Variants in AGTRAP observed in about 807,000 individuals in gnomAD.
AGTRAP encodes the protein type-1 angiotensin II receptor-associated protein.
Under a neutral mutation model 15.2 loss-of-function variants are expected in AGTRAP, and 7 were observed. The ratio of observed to expected loss-of-function variants is 0.46; its 90% CI spans 0.26 to 0.87. The LOEUF is 0.87. Ranked by LOEUF, AGTRAP falls within the 40% of genes least tolerant of loss-of-function variation. The probability of loss-of-function intolerance (pLI) is 0.15; values close to 1 mark genes in which losing one functional copy is unlikely to be tolerated. For synonymous variants in AGTRAP, 74 were observed against 89.6 expected (o/e 0.83, Z 0.98); for missense variants, 187 against 213.4 (o/e 0.88, Z 0.77).
At chr1:11,746,021 G>A (rs766544379) in intron 2 of AGTRAP, 184 bp downstream of exon 2, 2 of 1,330,910 alleles carry the variant, frequency 1.5e-6, no homozygotes, top group African/African-American at 1.4e-5. Context: ...GGAGCTGGGA[G>A]GGAGACGTGG....
In AGTRAP at chr1:11,748,450, C is replaced by G; in HGVS notation, c.204C>G (p.Asp68Glu). 6.2e-7 allele frequency: 1 copy of G among 1,613,910 alleles called. No homozygotes were observed. Reference protein sequence around the residue: ...LGGLLATIFLDIVHISIFYPR... With the variant: ...LGGLLATIFLEIVHISIFYPR... The stretch of plus-strand genomic sequence containing the variant: ...GCTTGCTGGCCACCATCTTCCTGGA[C>G]ATCGTGCACATCAGCATCTTCTACC... The change falls in exon 4 of 5, where the codon GAC (aspartate) becomes GAG (glutamate). Residue 68 changes from aspartate to glutamate, a missense_variant. Transcript: ENST00000314340.
intron 1 of AGTRAP, among the ~76,000 whole-genome samples, chr1:11,743,026 C>A (rs1387729364): frequency 1.3e-5 from 2 of 152,212 alleles, no homozygotes. Context: ...CCACCAGGCC[C>A]GTTGAAGCTC....
chr1:11,739,156 C>T lies in AGTRAP; in HGVS notation c.27+2921C>T, dbSNP rs77033734. ...GACCTTGAGTAGGTTTCTGAACTCTCTCAGTATCTATTTCTTCATTGTAAA... is the reference window on the plus strand; with the variant it reads ...GACCTTGAGTAGGTTTCTGAACTCTTTCAGTATCTATTTCTTCATTGTAAA... On this transcript the variant is annotated intron_variant, in intron 1 of 4. Transcript: ENST00000314340. Among the ~76,000 whole-genome samples, 181 of 152,300 alleles carry T rather than the reference C, an allele frequency of 1.2e-3. 6 individuals are homozygous for T. The East Asian group carries it at 0.032, about 27-fold the overall frequency.
intron 1 of AGTRAP, chr1:11,744,384 G>T: frequency 1.8e-6 from 1 of 544,686 alleles, no homozygotes; most frequent in Non-Finnish European, 3.4e-6. Flanking sequence ...TCTCCCTGTA[G>T]AAAAGTCTCA....
chr1:11,745,732 C>T lies in AGTRAP; in HGVS notation c.28-71C>T, dbSNP rs576631793. 2.6e-6 allele frequency: 4 copies of T among 1,554,228 alleles called. No homozygotes were observed. Among genetic ancestry groups the T allele is most frequent in the East Asian group, 2.2e-5 (1 of 44,564 alleles). ...GCGCAGGGGCGTCCTGTGTTTTCTG[C>T]ACCCGACGCTTTCCTGCCCCTGTGG... On this transcript the variant is annotated intron_variant, in intron 1 of 4. Coordinates refer to ENST00000314340, the MANE Select transcript of AGTRAP (RefSeq NM_020350.5). The surrounding 1 kb of genome is among the most constrained non-coding windows in gnomAD (Gnocchi z 4.2).
chr1:11,736,553 C>G (rs1049672767), intron 1 of AGTRAP, among the ~76,000 whole-genome samples: 6 of 152,182 alleles, frequency 3.9e-5, no homozygotes, highest in African/African-American at 1.2e-4. Context: ...GCCCAGAATT[C>G]CCCTGGAGGA....
Position 11,750,475 on chromosome 1 carries a change from G to A in AGTRAP, c.*283G>A, listed in dbSNP as rs1290326204. On this transcript the variant is annotated 3_prime_UTR_variant, in exon 5 of 5. Transcript: ENST00000314340. ...CCTACCCCATGGTGGCACCACAGAGGCCCTCAGCCGAGTCCTGCCTGAGTG... is the reference window on the plus strand; with the variant it reads ...CCTACCCCATGGTGGCACCACAGAGACCCTCAGCCGAGTCCTGCCTGAGTG... The A allele has an allele frequency of 1.7e-6, 1 of 592,384 alleles. No homozygotes were observed. The highest frequency in any genetic ancestry group is 1.9e-5 in the African/African-American group (1 of 53,724). The allele number at this position is 592,384 out of a possible 1,614,324, so 36.7% of individuals were successfully genotyped here. A position where few individuals can be genotyped will look rare whatever the true frequency, so the allele number is the denominator to read the frequency against.
chr1:11,738,150 T>C (rs1000706557), intron 1 of AGTRAP, among the ~76,000 whole-genome samples: 1 of 152,178 alleles, frequency 6.6e-6, no homozygotes, highest in East Asian at 1.9e-4. Context: ...ACTTAGGGGA[T>C]GTTCTGAGTT....
intron 1 of AGTRAP, among the ~76,000 whole-genome samples, chr1:11,743,327 C>G (rs960386831): frequency 6.6e-6 from 1 of 151,910 alleles, no homozygotes; most frequent in African/African-American, 2.4e-5. Context: ...CTCACTGCAA[C>G]CTCTGCCTCC....
chr1:11,748,258 C>T lies in AGTRAP; in HGVS notation c.169-157C>T, dbSNP rs376144748. Among the ~76,000 whole-genome samples, 28 of 152,316 alleles carry T rather than the reference C, an allele frequency of 1.8e-4. 1 individual carries two copies. The South Asian group carries it at 5.2e-3, about 28-fold the overall frequency. On this transcript the variant is annotated intron_variant, in intron 3 of 4. Coordinates refer to ENST00000314340, the MANE Select transcript of AGTRAP (RefSeq NM_020350.5). ...GCCCCCAGACTGCAGTCTCAGCCAG[C>T]GGCTCCCCAGCGGGGCCCTGCCTGC...
chr1:11,740,024 G>A (rs1418963130), intron 1 of AGTRAP, among the ~76,000 whole-genome samples: 1 of 152,216 alleles, frequency 6.6e-6, no homozygotes, highest in African/African-American at 2.4e-5. Context: ...GAGCTGGGCG[G>A]CCTCCCCTGG....
chr1:11,746,095 T>G (rs1220675641), intron 2 of AGTRAP: 1 of 1,604,898 alleles, frequency 6.2e-7, no homozygotes, highest in Admixed American at 1.7e-5. Flanking sequence ...CAGCTTGATT[T>G]TCACCTTTAC....
intron 2 of AGTRAP, chr1:11,746,310 A>G (rs1260789048): frequency 1.7e-6 from 2 of 1,206,940 alleles, no homozygotes; most frequent in Non-Finnish European, 2.3e-6. Context: ...CTTCCCCAAG[A>G]TTCTGAGTTG....
chr1:11,748,367 C>T (rs374869916), intron 3 of AGTRAP, 48 bp from the exon 4 acceptor site: 46 of 1,572,936 alleles, frequency 2.9e-5, no homozygotes, highest in South Asian at 6.8e-5. Flanking sequence ...GGGGGAGCCA[C>T]GGAGCGTGGT....
chr1:11,748,300 C>G (rs976429800), intron 3 of AGTRAP, 115 bp from the exon 4 acceptor site: 1 of 1,187,142 alleles, frequency 8.4e-7, no homozygotes, highest in East Asian at 2.5e-5. Context: ...GATCCATTTT[C>G]CCGCAAGCCC....
At chr1:11,749,362 T>C (rs922548368) in intron 4 of AGTRAP, among the ~76,000 whole-genome samples, 1 of 152,088 alleles carries the variant, frequency 6.6e-6, no homozygotes, top group Non-Finnish European at 1.5e-5. Flanking sequence ...CACCAGCTGG[T>C]TGAGGGTGGG....
intron 1 of AGTRAP, among the ~76,000 whole-genome samples, chr1:11,739,012 C>T (rs1304747289): frequency 1.3e-5 from 2 of 152,170 alleles, no homozygotes; most frequent in Non-Finnish European, 2.9e-5. Context: ...GGTTAGACTT[C>T]CTCATTTCCA....
chr1:11,737,715 G>A (rs1641933613), intron 1 of AGTRAP, among the ~76,000 whole-genome samples: 1 of 152,182 alleles, frequency 6.6e-6, no homozygotes, highest in Non-Finnish European at 1.5e-5. Context: ...TCTGTCCTTT[G>A]GGAGGGCTTA....
intron 4 of AGTRAP, 146 bp downstream of exon 4, chr1:11,748,756 G>T (rs1642239158): frequency 2.1e-6 from 2 of 970,370 alleles, no homozygotes; most frequent in African/African-American, 1.6e-5. Flanking sequence ...TCTGTACTAG[G>T]CTGGACAGGT....
Sources: allele counts gnomAD v4.1 joint callset (sites outside exome capture counted in the v4.1 genomes callset), GRCh38; gene constraint gnomAD v4.1.1; non-coding constraint Gnocchi (gnomAD v3.1); transcripts MANE v1.5; gene names NCBI Gene and HGNC (gene_info 2026-07-23, HGNC 2026-07-21).